ACOXL: variants seen among roughly 807,000 people sequenced by gnomAD.
ACOXL encodes acyl-CoA oxidase like.
ACOXL carries 70 observed loss-of-function variants against 71.9 expected under a neutral mutation model. The observed-to-expected ratio is 0.97, with a 90% confidence interval of 0.80 to 1.19. The LOEUF (loss-of-function observed/expected upper bound fraction) is 1.19. Among genes scored for constraint, ACOXL ranks in the 50% most tolerant of loss-of-function variants. The pLI is 0.00. For missense variants in ACOXL, 703 were observed against 736.3 expected (o/e 0.95, Z 0.52); for synonymous variants, 253 against 281.6 (o/e 0.90, Z 1.02).
chr2:110,888,343 A>G (rs1467683446), intron 10 of ACOXL, among the ~76,000 whole-genome samples: 1 of 152,138 alleles, frequency 6.6e-6, no homozygotes, highest in Non-Finnish European at 1.5e-5. Context: ...CTATAATAGA[A>G]ATTTGGGTTT....
intron 10 of ACOXL, among the ~76,000 whole-genome samples, chr2:110,897,366 C>T (rs999799867): frequency 6.6e-6 from 1 of 152,156 alleles, no homozygotes; most frequent in Non-Finnish European, 1.5e-5. Context: ...AACAATACCA[C>T]AGAAATTTAT....
intron 12 of ACOXL, among the ~76,000 whole-genome samples, chr2:110,947,923 C>T (rs550836272): frequency 1.3e-5 from 2 of 152,358 alleles, no homozygotes; most frequent in South Asian, 2.1e-4. Context: ...GGGCCGGTGC[C>T]CTCCATCTTG....
chr2:110,927,875 G>T (rs962148039), intron 11 of ACOXL, among the ~76,000 whole-genome samples: 1 of 152,258 alleles, frequency 6.6e-6, no homozygotes, highest in African/African-American at 2.4e-5. Context: ...TTTCTGAAGG[G>T]TCCATGAGGT....
rs371391695 is a variant in ACOXL at position 110,849,441 on chromosome 2, A to C, written c.788+8036A>C. On this transcript the variant is annotated intron_variant, in intron 10 of 17. Coordinates refer to ENST00000439055, the MANE Select transcript of ACOXL (RefSeq NM_001142807.4). ...GATTTTGTGTAGAAATTGGCAAGAT[A>C]ATTCAAAAAATTTTATGGAAAGGCA... 3.3e-5 allele frequency among the ~76,000 whole-genome samples: 5 copies of C among 152,338 alleles called. No individual in the cohort carries two copies. In the East Asian group the frequency reaches 7.7e-4, roughly 24 times the overall value.
intron 11 of ACOXL, among the ~76,000 whole-genome samples, chr2:110,921,446 G>A (rs2149292939): frequency 7.5e-6 from 1 of 134,048 alleles, no homozygotes; most frequent in Admixed American, 8.7e-5. Context: ...AGGCTGGAGT[G>A]CAGTGGCGCC....
intron 16 of ACOXL, among the ~76,000 whole-genome samples, chr2:111,080,123 A>G (rs2067827625): frequency 6.6e-6 from 1 of 151,920 alleles, no homozygotes; most frequent in Non-Finnish European, 1.5e-5. Flanking sequence ...TTTCTTCTTT[A>G]TTAGTCTGAC....
At chr2:111,084,359 G>C (rs1398792165) in intron 16 of ACOXL, among the ~76,000 whole-genome samples, 1 of 150,430 alleles carries the variant, frequency 6.6e-6, no homozygotes, top group Non-Finnish European at 1.5e-5. Context: ...TAAACACAAA[G>C]CATTTAATAA....
In ACOXL at chr2:110,845,070, G is replaced by A. The variant is rs147019637; in HGVS notation, c.788+3665G>A. ...ATCAGCCATTTGTTTTAGTCTGTTT[G>A]TGCTGCTATAACAAAATACCATAGA... is the stretch of plus-strand genomic sequence containing the variant. On this transcript the variant is annotated intron_variant, in intron 10 of 17. Transcript: ENST00000439055. Among the ~76,000 whole-genome samples the A allele has an allele frequency of 3.6e-4, 55 of 152,322 alleles. No homozygotes were observed. In the East Asian group the frequency reaches 8.1e-3, roughly 22 times the overall value.
At chr2:111,115,422 TCAA>T (rs2070280332) in intron 17 of ACOXL, 1 of 152,248 alleles carries the variant, frequency 6.6e-6, no homozygotes, top group Admixed American at 6.5e-5. Flanking sequence ...TTAAAACGCC[TCAA>T]CAGCTTCACG....
intron 12 of ACOXL, among the ~76,000 whole-genome samples, chr2:110,966,686 A>G (rs2149470114): frequency 6.6e-6 from 1 of 152,330 alleles, no homozygotes; most frequent in South Asian, 2.1e-4. Flanking sequence ...CCCTATTTTT[A>G]GCAGGAGTCA....
intron 10 of ACOXL, among the ~76,000 whole-genome samples, chr2:110,873,740 A>G (rs1431589423): frequency 1.3e-5 from 2 of 152,140 alleles, no homozygotes; most frequent in Non-Finnish European, 2.9e-5. Flanking sequence ...AGGGGCCAGG[A>G]GGGGCCCGGG....
chr2:110,932,323 A>G (rs948616548), intron 11 of ACOXL, among the ~76,000 whole-genome samples: 15 of 152,332 alleles, frequency 9.8e-5, no homozygotes, highest in Middle Eastern at 3.4e-3. Context: ...TTGTGATGCT[A>G]TTCTCATGGG....
chr2:110,882,226 G>C (rs997770296), intron 10 of ACOXL, among the ~76,000 whole-genome samples: 2 of 152,140 alleles, frequency 1.3e-5, no homozygotes, highest in Non-Finnish European at 2.9e-5. Flanking sequence ...AAATGACACT[G>C]AACATCTTTT....
intron 16 of ACOXL, among the ~76,000 whole-genome samples, chr2:111,061,503 A>C (rs1331467833): frequency 6.6e-6 from 1 of 152,184 alleles, no homozygotes; most frequent in Non-Finnish European, 1.5e-5. Context: ...AGTGGAAAGA[A>C]GTTCTCTAAA....
intron 10 of ACOXL, among the ~76,000 whole-genome samples, chr2:110,882,379 A>G (rs754213991): frequency 2.6e-5 from 4 of 152,190 alleles, no homozygotes; most frequent in Admixed American, 6.5e-5. Flanking sequence ...GCTTTATCAG[A>G]TATGCCTTTT....
intron 2 of ACOXL, among the ~76,000 whole-genome samples, chr2:110,772,490 C>T (rs1277055493): frequency 6.6e-6 from 1 of 152,184 alleles, no homozygotes; most frequent in Non-Finnish European, 1.5e-5. Flanking sequence ...AGGGAAACCG[C>T]ATCTCAACAT....
At chr2:111,052,235 C>T (rs951105790) in intron 16 of ACOXL, among the ~76,000 whole-genome samples, 12 of 152,188 alleles carry the variant, frequency 7.9e-5, no homozygotes, top group Non-Finnish European at 1.5e-5. Context: ...GAAAGCTGGG[C>T]TTCTTCCTGC....
chr2:110,919,701 G>A (rs2059997326), intron 11 of ACOXL, among the ~76,000 whole-genome samples: 1 of 152,072 alleles, frequency 6.6e-6, no homozygotes, highest in African/African-American at 2.4e-5. Flanking sequence ...AAATTCCCTT[G>A]TGCTGTCTCT....
At chr2:110,915,609 G>C (rs921343150) in intron 11 of ACOXL, among the ~76,000 whole-genome samples, 14 of 151,182 alleles carry the variant, frequency 9.3e-5, no homozygotes, top group African/African-American at 2.9e-4. Flanking sequence ...TGTATTTGTA[G>C]TAGAGATGGG....
Sources: allele counts gnomAD v4.1 joint callset (sites outside exome capture counted in the v4.1 genomes callset), GRCh38; gene constraint gnomAD v4.1.1; transcripts MANE v1.5; gene names NCBI Gene and HGNC (gene_info 2026-07-23, HGNC 2026-07-21).